AUTS2: variants seen among roughly 807,000 people sequenced by gnomAD.
AUTS2 encodes activator of transcription and developmental regulator AUTS2, also known as autism susceptibility gene 2 protein.
In AUTS2, 17 loss-of-function variants were observed where a neutral mutation model predicts 112.4. That is an observed-to-expected ratio of 0.15 (90% CI 0.10 to 0.23). The LOEUF (loss-of-function observed/expected upper bound fraction) is 0.23. Ranked by LOEUF, AUTS2 falls within the 10% of genes least tolerant of loss-of-function variation. The pLI, the probability that AUTS2 is intolerant of heterozygous loss-of-function variation, is 1.00. For synonymous variants in AUTS2, 751 were observed against 702.7 expected, an observed-to-expected ratio of 1.07 and a Z score of -1.09; for missense variants, 1,510 against 1,701.6, an observed-to-expected ratio of 0.89 and a Z score of 1.98.
intron 5 of AUTS2, among the ~76,000 whole-genome samples, chr7:70,661,738 G>A (rs1319810402): frequency 6.6e-6 from 1 of 151,884 alleles, no homozygotes; most frequent in African/African-American, 2.4e-5. Flanking sequence ...CTGGTGTAGA[G>A]CAGTTAGAAC....
chr7:70,681,455 G>C (rs1232523285), intron 5 of AUTS2, among the ~76,000 whole-genome samples: 1 of 152,108 alleles, frequency 6.6e-6, no homozygotes, highest in Admixed American at 6.5e-5. Context: ...CCTCGCTACT[G>C]GGGGTGAGAA....
chr7:70,125,707 C>T (rs1476382345), intron 3 of AUTS2, among the ~76,000 whole-genome samples: 1 of 152,178 alleles, frequency 6.6e-6, no homozygotes, highest in Non-Finnish European at 1.5e-5. Context: ...ACCCGGCAAT[C>T]ATGTGGCATG....
intron 2 of AUTS2, among the ~76,000 whole-genome samples, chr7:69,978,906 ACACG>A: frequency 6.6e-6 from 1 of 150,602 alleles, no homozygotes; most frequent in South Asian, 2.1e-4. Context: ...ACACACGCAC[ACACG>A]CACACACACA....
intron 1 of AUTS2, among the ~76,000 whole-genome samples, chr7:69,611,391 A>G (rs1371599444): frequency 7.2e-5 from 11 of 152,206 alleles, no homozygotes. Flanking sequence ...TCACACCTGA[A>G]TGTTGAGACC....
intron 1 of AUTS2, among the ~76,000 whole-genome samples, chr7:69,659,950 A>G (rs1795720558): frequency 1.3e-5 from 2 of 152,098 alleles, no homozygotes; most frequent in Admixed American, 6.6e-5. Flanking sequence ...CTTTTGATCA[A>G]TATCTAGTTG....
chr7:70,419,175 C>A (rs1178727148), intron 4 of AUTS2, among the ~76,000 whole-genome samples: 2 of 152,106 alleles, frequency 1.3e-5, no homozygotes, highest in African/African-American at 4.8e-5. Flanking sequence ...ACTGTGATCA[C>A]TTTTCCATTT....
rs747441710 is a variant in AUTS2 at position 70,573,772 on chromosome 7, CT to C, written c.691-124783del. ...GTAGGAAACTTAGCTGAGCAAAAAGCTTTTTTTTTTTTTTAACACCATTGCA... is the reference window on the plus strand; with the variant it reads ...GTAGGAAACTTAGCTGAGCAAAAAGCTTTTTTTTTTTTTAACACCATTGCA... On this transcript the variant is annotated intron_variant, in intron 5 of 18. Coordinates refer to ENST00000342771, the MANE Select transcript of AUTS2 (RefSeq NM_015570.4). 9.6e-3 allele frequency among the ~76,000 whole-genome samples: 1,342 copies of C among 139,358 alleles called. 4 individuals are homozygous for C. The highest frequency in any genetic ancestry group is 0.022 in the Admixed American group (312 of 13,874). The allele number at this position is 139,358 out of a possible 152,430, so 91.4% of individuals were successfully genotyped here.
intron 2 of AUTS2, among the ~76,000 whole-genome samples, chr7:69,967,547 G>A (rs1797681601): frequency 6.6e-6 from 1 of 152,124 alleles, no homozygotes; most frequent in Non-Finnish European, 1.5e-5. Context: ...GGAACATAAA[G>A]GGGAAGGGGG....
At position 70,790,492 on chromosome 7, in the gene AUTS2, G is replaced by C; in HGVS notation, c.3276G>C (p.Arg1092Ser). Residue 1092 changes from arginine (R) to serine (S), a missense_variant, in exon 19 of 19, where the codon AGG (arginine) becomes AGC (serine). Arg to Ser is a moderately radical substitution (Grantham distance 110). Coordinates refer to ENST00000342771, the MANE Select transcript of AUTS2 (RefSeq NM_015570.4). This position sits in a 1 kb window ranked among gnomAD's most constrained non-coding sequence, Gnocchi z 7.6. ...TTCACCGGAGAGACCCGCTGGGCAGGGACTTCCTGCTAAGGAACGACCCGC... is the reference window on the plus strand; with the variant it reads ...TTCACCGGAGAGACCCGCTGGGCAGCGACTTCCTGCTAAGGAACGACCCGC... Reference protein sequence around the residue: ...LDIHRRDPLGRDFLLRNDPLH... With the variant: ...LDIHRRDPLGSDFLLRNDPLH... 1 of 1,612,646 alleles carries C rather than the reference G, an allele frequency of 6.2e-7. No homozygotes were observed. The highest frequency in any genetic ancestry group is 8.5e-7 in the Non-Finnish European group (1 of 1,179,552).
At chr7:70,662,133 G>A (rs1382464686) in intron 5 of AUTS2, among the ~76,000 whole-genome samples, 3 of 152,244 alleles carry the variant, frequency 2.0e-5, no homozygotes, top group Non-Finnish European at 2.9e-5. Context: ...TGACACAGCT[G>A]TCCCTTTGAA....
chr7:69,601,343 A>G (rs1385802061), intron 1 of AUTS2, among the ~76,000 whole-genome samples: 1 of 152,136 alleles, frequency 6.6e-6, no homozygotes, highest in African/African-American at 2.4e-5. Context: ...CTCAGATGCA[A>G]GCTTTGTTAA....
rs190904187 is a variant in AUTS2 at position 70,772,593 on chromosome 7, A to G, written c.1830+949A>G. Among the ~76,000 whole-genome samples, 157 of 152,322 alleles carry G rather than the reference A, an allele frequency of 1.0e-3. 4 individuals are homozygous for G. The South Asian group carries it at 0.017, about 17-fold the overall frequency. On this transcript the variant is annotated intron_variant, in intron 11 of 18. Transcript: ENST00000342771. ...GTTTTGGTCCAGAGTCTTCCAGGATAAGCACATAACTGCATTTCCAAAGAC... is the reference window on the plus strand; with the variant it reads ...GTTTTGGTCCAGAGTCTTCCAGGATGAGCACATAACTGCATTTCCAAAGAC...
chr7:70,152,418 A>G (rs1807490764), intron 4 of AUTS2, among the ~76,000 whole-genome samples: 1 of 151,866 alleles, frequency 6.6e-6, no homozygotes, highest in Non-Finnish European at 1.5e-5. Context: ...AGGAACAAAG[A>G]CTGACAGCAG....
At position 70,750,330 on chromosome 7, in the gene AUTS2, C is replaced by CT. The variant is rs201667797; in HGVS notation, c.743-12528dup. On this transcript the variant is annotated intron_variant, in intron 6 of 18. Transcript: ENST00000342771. Reference sequence around the variant, plus strand: ...AGGATAAACTCGACAGATGGAAAGTCTTTTTTTTTTTTAAACAGGGTCTCA... The same window carrying CT: ...AGGATAAACTCGACAGATGGAAAGTCTTTTTTTTTTTTTAAACAGGGTCTCA... Among the ~76,000 whole-genome samples the CT allele has an allele frequency of 1.2e-3, 165 of 143,296 alleles. 1 individual carries two copies. Among genetic ancestry groups the CT allele is most frequent in the African/African-American group, 3.1e-3 (118 of 38,608 alleles). The allele number at this position is 143,296 out of a possible 152,430, so 94.0% of individuals were successfully genotyped here.
At chr7:70,167,505 A>T (rs1157899463) in intron 4 of AUTS2, among the ~76,000 whole-genome samples, 1 of 152,222 alleles carries the variant, frequency 6.6e-6, no homozygotes, top group Non-Finnish European at 1.5e-5. Flanking sequence ...ACATTGATAG[A>T]ACAAGTTAAC....
At chr7:70,243,231 T>TTG (rs3078161) in intron 4 of AUTS2, among the ~76,000 whole-genome samples, 9,700 of 131,606 alleles carry the variant, frequency 0.074, 366 homozygotes, top group African/African-American at 0.085. Context: ...GAATGTATCC[T>TTG]TGTGTGTGTG....
intron 1 of AUTS2, among the ~76,000 whole-genome samples, chr7:69,747,104 C>T (rs1383310294): frequency 2.0e-5 from 3 of 152,198 alleles, no homozygotes; most frequent in African/African-American, 7.2e-5. Flanking sequence ...CTTTAAAACA[C>T]AGAATGTTGG....
intron 1 of AUTS2, among the ~76,000 whole-genome samples, chr7:69,649,681 T>C (rs1795205818): frequency 6.6e-6 from 1 of 151,922 alleles, no homozygotes; most frequent in Non-Finnish European, 1.5e-5. Context: ...CATAGGGCTG[T>C]CTAGTGGAGG....
At chr7:70,090,997 C>G (rs1427948612) in intron 2 of AUTS2, among the ~76,000 whole-genome samples, 1 of 152,124 alleles carries the variant, frequency 6.6e-6, no homozygotes, top group South Asian at 2.1e-4. Flanking sequence ...TCTTGAAGTA[C>G]AGGCCTACTG....
Sources: allele counts gnomAD v4.1 joint callset (sites outside exome capture counted in the v4.1 genomes callset), GRCh38; gene constraint gnomAD v4.1.1; non-coding constraint Gnocchi (gnomAD v3.1); transcripts MANE v1.5; gene names NCBI Gene and HGNC (gene_info 2026-07-23, HGNC 2026-07-21).